Variants in ANTXRL observed in about 807,000 individuals in gnomAD.
The protein encoded by ANTXRL is anthrax toxin receptor-like.
ANTXRL carries 63 observed loss-of-function variants against 75.4 expected under a neutral mutation model. The ratio of observed to expected loss-of-function variants is 0.84; its 90% CI spans 0.68 to 1.03. The LOEUF is 1.03. Among genes scored for constraint, ANTXRL ranks in the 50% least tolerant of loss-of-function variants. The pLI is 0.00. For synonymous variants in ANTXRL, 335 were observed against 291.3 expected, an observed-to-expected ratio of 1.15 and a Z score of -1.53; for missense variants, 797 against 789.4, an observed-to-expected ratio of 1.01 and a Z score of -0.12.
chr10:46,308,754 C>T (rs373903037), intron 12 of ANTXRL: 14 of 356,944 alleles, frequency 3.9e-5, no homozygotes, highest in Non-Finnish European at 7.5e-5. Context: ...GGGATGGACC[C>T]GGGTCTCCTG....
At chr10:46,297,059 T>G (rs781827200) in intron 5 of ANTXRL, among the ~76,000 whole-genome samples, 193 bp from the exon 6 acceptor site, 4 of 152,140 alleles carry the variant, frequency 2.6e-5, no homozygotes, top group Admixed American at 6.5e-5. Flanking sequence ...GAGACCTCCC[T>G]GACTCTAGGA....
Position 46,311,545 on chromosome 10 carries a change from ACCG to A in ANTXRL, c.1212_1214del (p.Pro411del), listed in dbSNP as rs782785972. 1 of 1,533,556 alleles carries A rather than the reference ACCG, an allele frequency of 6.5e-7. No individual in the cohort carries two copies. The highest frequency in any genetic ancestry group is 1.2e-5 in the South Asian group (1 of 83,870). The allele number at this position is 1,533,556 out of a possible 1,614,324, so 95.0% of individuals were successfully genotyped here. ...AGGAAAAACCACCATCACCACCACC[ACCG>A]CCTCCGCCTCCACCACCTCCACTCC... On this transcript the variant is annotated inframe_deletion, in exon 15 of 17. Transcript: ENST00000620264.
At chr10:46,296,275 G>C (rs1373553321) in intron 5 of ANTXRL, 23 bp downstream of exon 5, 1 of 1,535,072 alleles carries the variant, frequency 6.5e-7, no homozygotes, top group Non-Finnish European at 8.7e-7. Context: ...CGTCCCCCTG[G>C]TGGTCCTGTA....
chr10:46,296,218 G>C lies in ANTXRL; in HGVS notation c.475-1G>C. ...CTCAATATTTCTTCATTTTCTTGCA[G>C]GCAATTCAACAGATCGAAAGTTTCA... On this transcript the variant is annotated splice_acceptor_variant, in intron 4 of 16. Coordinates refer to ENST00000620264, the MANE Select transcript of ANTXRL (RefSeq NM_001278688.3). LOFTEE classifies it high-confidence loss of function. 1 of 1,535,832 alleles carries C rather than the reference G, an allele frequency of 6.5e-7. No individual in the cohort carries two copies.
Position 46,297,494 on chromosome 10 carries a change from C to T in ANTXRL, c.654+20C>T. 3 of 1,534,570 alleles carry T rather than the reference C, an allele frequency of 2.0e-6. No homozygotes were observed. Among genetic ancestry groups the T allele is most frequent in the Non-Finnish European group, 2.6e-6 (3 of 1,146,044 alleles). ...GATCAGGTAATTCCAAGCAGGTAACCAGGCGCCACTTTCAAGCCTAGTGGT... is the reference window on the plus strand; with the variant it reads ...GATCAGGTAATTCCAAGCAGGTAACTAGGCGCCACTTTCAAGCCTAGTGGT... On this transcript the variant is annotated intron_variant, in intron 7 of 16. Coordinates refer to ENST00000620264, the MANE Select transcript of ANTXRL (RefSeq NM_001278688.3).
At chr10:46,287,592 A>G (rs1298302820) in intron 1 of ANTXRL, 82 bp downstream of exon 1, 1 of 1,449,840 alleles carries the variant, frequency 6.9e-7, no homozygotes, top group Non-Finnish European at 9.1e-7. Context: ...ACACCACTCA[A>G]GGAGATGCAA....
chr10:46,300,965 G>C (rs139886046), intron 9 of ANTXRL, among the ~76,000 whole-genome samples: 77 of 151,516 alleles, frequency 5.1e-4, no homozygotes, highest in African/African-American at 1.1e-3. Flanking sequence ...TGAATGTTTG[G>C]CCATGTTCCT....
intron 10 of ANTXRL, among the ~76,000 whole-genome samples, chr10:46,304,084 A>T (rs1279222966): frequency 3.3e-5 from 5 of 152,148 alleles, no homozygotes; most frequent in Admixed American, 1.3e-4. Context: ...GTCTCAGGGA[A>T]TTCAGTTTTC....
chr10:46,302,819 T>C lies in ANTXRL; in HGVS notation c.894T>C (p.Ile298=). 6.5e-7 allele frequency: 1 copy of C among 1,531,534 alleles called. No homozygotes were observed. Among genetic ancestry groups the C allele is most frequent in the Non-Finnish European group, 8.7e-7 (1 of 1,142,882 alleles). The allele number at this position is 1,531,534 out of a possible 1,614,324, so 94.9% of individuals were successfully genotyped here. ...TTATCTTCAATGAAAGCACTATCAT[T>C]GGTAAGTTGTCTCCTCTGTGCCTCT... ...CRFIFNESTI[I]DEKPTSIDNN... The change falls in exon 10 of 17, where the codon ATT becomes ATC. Residue 298 remains isoleucine (I), a splice_region_variant and synonymous_variant. Coordinates refer to ENST00000620264, the MANE Select transcript of ANTXRL (RefSeq NM_001278688.3).
In ANTXRL at chr10:46,309,145, A is replaced by G. The variant is rs1436276465; in HGVS notation, c.1077A>G (p.Pro359=). The G allele has an allele frequency of 1.2e-4, 188 of 1,535,050 alleles. 1 individual carries two copies. Among genetic ancestry groups the G allele is most frequent in the Non-Finnish European group, 1.6e-4 (182 of 1,146,560 alleles). ...TCCGCAACTGGCTCTATTTTGTGCC[A>G]CTCCTGCTGCTTGTGCCACTGCTGC... The part of the protein sequence containing the change: ...GIFRNWLYFV[P]LLLLVPLLLC... The change falls in exon 13 of 17, where the codon CCA becomes CCG. Residue 359 remains proline, a synonymous_variant. Coordinates refer to ENST00000620264, the MANE Select transcript of ANTXRL (RefSeq NM_001278688.3).
At chr10:46,302,868 G>A (rs1837839106) in intron 10 of ANTXRL, 48 bp downstream of exon 10, 2 of 1,389,264 alleles carry the variant, frequency 1.4e-6, no homozygotes, top group African/African-American at 2.9e-5. Flanking sequence ...CCCACACAAT[G>A]CTGCCTTTCC....
chr10:46,326,246 C>T (rs1324518787), intron 16 of ANTXRL, among the ~76,000 whole-genome samples: 4 of 152,040 alleles, frequency 2.6e-5, no homozygotes, highest in African/African-American at 9.7e-5. Flanking sequence ...TGACTCACCC[C>T]TGCCCTCACC....
chr10:46,325,482 A>T (rs1839169910), intron 16 of ANTXRL, among the ~76,000 whole-genome samples: 1 of 152,138 alleles, frequency 6.6e-6, no homozygotes, highest in African/African-American at 2.4e-5. Flanking sequence ...TCTTCTCAAA[A>T]TGTTCAGCTA....
chr10:46,297,086 G>A (rs1837423996), intron 5 of ANTXRL, among the ~76,000 whole-genome samples, 166 bp from the exon 6 acceptor site: 1 of 152,160 alleles, frequency 6.6e-6, no homozygotes, highest in Admixed American at 6.5e-5. Context: ...TGGGTGGCAG[G>A]TGCTTGGGTC....
At chr10:46,313,193 T>C in intron 15 of ANTXRL, 43 bp from the exon 16 acceptor site, 3 of 1,501,866 alleles carry the variant, frequency 2.0e-6, no homozygotes, top group South Asian at 2.4e-5. Flanking sequence ...CTGGAGGCAG[T>C]GTCCAAGCTG....
Position 46,311,753 on chromosome 10 carries a change from G to A in ANTXRL, c.1329+88G>A, listed in dbSNP as rs1588848310. 9.9e-6 allele frequency: 6 copies of A among 606,432 alleles called. No homozygotes were observed. In the East Asian group the frequency reaches 1.8e-4, roughly 18 times the overall value. 37.6% of individuals were successfully genotyped at this position (606,432 alleles called of 1,614,324 possible). A position where few individuals can be genotyped will look rare whatever the true frequency, so the allele number is the denominator to read the frequency against. ...GATGGGTCCCACTGTGGAGACCTGG[G>A]CCCTGGAGGAAGGCAGGCTCTACAG... On this transcript the variant is annotated intron_variant, in intron 15 of 16. Transcript: ENST00000620264.
chr10:46,320,115 A>G (rs2132884496), intron 16 of ANTXRL, among the ~76,000 whole-genome samples: 1 of 152,282 alleles, frequency 6.6e-6, no homozygotes, highest in South Asian at 2.1e-4. Context: ...GAAAGTTCCC[A>G]TGATAGGTCC....
chr10:46,319,073 T>C (rs73292926), intron 16 of ANTXRL, among the ~76,000 whole-genome samples: 7,384 of 152,208 alleles, frequency 0.049, 610 homozygotes, highest in African/African-American at 0.17. Flanking sequence ...TATAGAAGTA[T>C]ACTCCGCAGT....
Position 46,302,820 on chromosome 10 carries a change from G to C in ANTXRL, c.895G>C (p.Asp299His). ...TATCTTCAATGAAAGCACTATCATT[G>C]GTAAGTTGTCTCCTCTGTGCCTCTG... ...RFIFNESTIIDEKPTSIDNNS... is the reference protein window; with the variant it reads ...RFIFNESTIIHEKPTSIDNNS... The change falls in exon 10 of 17, where the codon GAT becomes CAT. Residue 299 changes from aspartate (D) to histidine (H), a missense_variant and splice_region_variant. Asp to His is a moderately conservative substitution (Grantham distance 81). Transcript: ENST00000620264. 6.5e-7 allele frequency: 1 copy of C among 1,531,656 alleles called. No individual in the cohort carries two copies. Among genetic ancestry groups the C allele is most frequent in the Non-Finnish European group, 8.7e-7 (1 of 1,143,066 alleles). 94.9% of individuals were successfully genotyped at this position (1,531,656 alleles called of 1,614,324 possible).
Sources: gnomAD v4.1 joint callset for allele counts (sites outside exome capture counted in the v4.1 genomes callset) on GRCh38, gnomAD v4.1.1 for gene constraint, MANE v1.5 for transcripts, NCBI Gene and HGNC (gene_info 2026-07-23, HGNC 2026-07-21) for gene names.